COLGALT2: variants seen among roughly 807,000 people sequenced by gnomAD.
COLGALT2 encodes the protein collagen beta(1-O)galactosyltransferase 2.
In COLGALT2, 49 loss-of-function variants were observed where a neutral mutation model predicts 73.4. That is an observed-to-expected ratio of 0.67 (90% confidence interval 0.53 to 0.85). The LOEUF (loss-of-function observed/expected upper bound fraction) is 0.85. Among genes scored for constraint, COLGALT2 ranks in the 40% least tolerant of loss-of-function variants. The pLI, the probability that COLGALT2 is intolerant of heterozygous loss-of-function variation, is 0.00. For synonymous variants in COLGALT2, 295 were observed against 307.6 expected, an observed-to-expected ratio of 0.96 and a Z score of 0.43; for missense variants, 722 against 790.2, an observed-to-expected ratio of 0.91 and a Z score of 1.03.
Position 183,937,328 on chromosome 1 carries a change from T to A in COLGALT2, c.*1433A>T. On this transcript the variant is annotated 3_prime_UTR_variant, in exon 12 of 12. Coordinates refer to ENST00000361927, the MANE Select transcript of COLGALT2 (RefSeq NM_015101.4). ...TTTACAGATTGAGGGCATGAGAACA[T>A]AAACTTGAGGGAAACCACCATGATC... The A allele has an allele frequency of 9.5e-7, 1 of 1,052,014 alleles. No individual in the cohort carries two copies. Among genetic ancestry groups the A allele is most frequent in the South Asian group, 4.6e-5 (1 of 21,882 alleles). The allele number at this position is 1,052,014 out of a possible 1,614,324, so 65.2% of individuals were successfully genotyped here.
At chr1:184,025,385 C>A (rs767282182) in intron 1 of COLGALT2, among the ~76,000 whole-genome samples, 1 of 152,186 alleles carries the variant, frequency 6.6e-6, no homozygotes, top group Non-Finnish European at 1.5e-5. Flanking sequence ...AAATTCAATA[C>A]CCAGAGAGGA....
intron 1 of COLGALT2, among the ~76,000 whole-genome samples, chr1:184,024,224 C>A (rs1649260308): frequency 6.6e-6 from 1 of 151,968 alleles, no homozygotes; most frequent in Admixed American, 6.6e-5. Context: ...GCAAAGAATT[C>A]AAGAAAATTT....
intron 6 of COLGALT2, among the ~76,000 whole-genome samples, chr1:183,955,581 T>G (rs1670530463): frequency 6.6e-6 from 1 of 152,162 alleles, no homozygotes; most frequent in Non-Finnish European, 1.5e-5. Context: ...TTTGATACTC[T>G]AAAAAAGCTT....
intron 1 of COLGALT2, among the ~76,000 whole-genome samples, chr1:184,036,040 G>A (rs1011914256): frequency 1.3e-5 from 2 of 152,316 alleles, no homozygotes; most frequent in East Asian, 1.9e-4. Context: ...TGTCTCGCCT[G>A]AGAACAGCTC....
chr1:184,019,272 G>C (rs1649099915), intron 1 of COLGALT2, among the ~76,000 whole-genome samples: 1 of 152,126 alleles, frequency 6.6e-6, no homozygotes, highest in African/African-American at 2.4e-5. Context: ...GAAGAAACCA[G>C]GCTGAGCTGT....
intron 1 of COLGALT2, among the ~76,000 whole-genome samples, chr1:183,997,336 A>C (rs73050913): frequency 0.045 from 6,908 of 152,278 alleles, 441 homozygotes; most frequent in African/African-American, 0.14. Context: ...ACCCTTGTAC[A>C]TACCACCTAG....
At chr1:183,944,653 C>T (rs1429096738) in intron 9 of COLGALT2, among the ~76,000 whole-genome samples, 2 of 151,898 alleles carry the variant, frequency 1.3e-5, no homozygotes, top group Non-Finnish European at 2.9e-5. Flanking sequence ...TGGTGACTGC[C>T]CTTGGGGACT....
chr1:184,032,633 C>CT (rs1649551231), intron 1 of COLGALT2, among the ~76,000 whole-genome samples: 1 of 152,196 alleles, frequency 6.6e-6, no homozygotes, highest in Non-Finnish European at 1.5e-5. Context: ...AACAGACTAA[C>CT]AGACAGAAGG....
rs143156270 is a variant in COLGALT2, at chr1:183,969,421, G to A, written c.680C>T (p.Thr227Ile). 573 of 1,613,544 alleles carry A rather than the reference G, an allele frequency of 3.6e-4. No homozygotes were observed. Among genetic ancestry groups the A allele is most frequent in the Non-Finnish European group, 4.3e-4 (512 of 1,179,762 alleles). Residue 227 changes from threonine (T) to isoleucine (I), a missense_variant, in exon 5 of 12, where the codon ACA (threonine) becomes ATA (isoleucine). Physicochemically the swap from Thr to Ile is moderately conservative, Grantham distance 89 (BLOSUM62 -1). Transcript: ENST00000361927. ...GACCATGGGGACGGGGAAGCAGCCT[G>A]TCCTCTTCCATTCTCGAATCTGAAC... ...DYVQIREWKR[T>I]GCFPVPMVHS...
At chr1:183,962,920 G>A (rs1670754484) in intron 6 of COLGALT2, among the ~76,000 whole-genome samples, 1 of 152,162 alleles carries the variant, frequency 6.6e-6, no homozygotes, top group East Asian at 1.9e-4. Context: ...CTCTTGGCGG[G>A]GCTCCTGCCC....
At chr1:184,016,929 T>G (rs1224713710) in intron 1 of COLGALT2, among the ~76,000 whole-genome samples, 1 of 152,212 alleles carries the variant, frequency 6.6e-6, no homozygotes, top group African/African-American at 2.4e-5. Context: ...AAAAGCAATA[T>G]AATTTAGTCT....
intron 1 of COLGALT2, among the ~76,000 whole-genome samples, chr1:183,990,803 A>G (rs941383928): frequency 1.3e-5 from 2 of 152,232 alleles, no homozygotes; most frequent in Non-Finnish European, 2.9e-5. Context: ...GATGGCTGTA[A>G]GGTGTTAGGG....
intron 10 of COLGALT2, among the ~76,000 whole-genome samples, chr1:183,941,267 C>A (rs1670099738): frequency 6.6e-6 from 1 of 152,092 alleles, no homozygotes; most frequent in Non-Finnish European, 1.5e-5. Flanking sequence ...GGGAAAGAGT[C>A]AGTCTGCAGT....
intron 6 of COLGALT2, among the ~76,000 whole-genome samples, chr1:183,959,013 ATTTGTGTTCTC>A (rs1406352157): frequency 6.6e-6 from 1 of 152,000 alleles, no homozygotes; most frequent in Admixed American, 6.6e-5. Context: ...ACTTGAATGG[ATTTGTGTTCTC>A]ATCATTGCAC....
Position 183,944,313 on chromosome 1 carries a change from C to T in COLGALT2, c.1280G>A (p.Arg427Gln), listed in dbSNP as rs150656360. 1.1e-4 allele frequency: 179 copies of T among 1,612,056 alleles called. No individual in the cohort carries two copies. Among genetic ancestry groups the T allele is most frequent in the African/African-American group, 7.6e-4 (57 of 74,918 alleles). The change falls in exon 10 of 12, where the codon CGA (arginine) becomes CAA (glutamine). Residue 427 changes from arginine to glutamine, a missense_variant. Arg to Gln is a conservative substitution (Grantham distance 43, BLOSUM62 1). Transcript: ENST00000361927. Reference sequence around the variant, plus strand: ...AATTACAAGAGTCTTCTCTAGCTCTCGATCAATTACCTGCAAAAGTCATCA... The same window carrying T: ...AATTACAAGAGTCTTCTCTAGCTCTTGATCAATTACCTGCAAAAGTCATCA... ...HYSVWKEVID[R>Q]ELEKTLVIED...
Position 183,978,387 on chromosome 1 carries a change from C to T in COLGALT2, c.374+23G>A, listed in dbSNP as rs746205952. ...AGAGGAAGGGTAAATAATGAGTTTA[C>T]AAATTTCGCACTTGCTACTCACTCT... On this transcript the variant is annotated intron_variant, in intron 2 of 11. Coordinates refer to ENST00000361927, the MANE Select transcript of COLGALT2 (RefSeq NM_015101.4). The T allele has an allele frequency of 1.4e-5, 19 of 1,370,456 alleles. No individual in the cohort carries two copies. In the East Asian group the frequency reaches 3.9e-4, roughly 28 times the overall value. The allele number at this position is 1,370,456 out of a possible 1,614,324, so 84.9% of individuals were successfully genotyped here. A position where few individuals can be genotyped will look rare whatever the true frequency, so the allele number is the denominator to read the frequency against.
chr1:184,023,482 TTCTTC>T (rs1649235631), intron 1 of COLGALT2, among the ~76,000 whole-genome samples: 1 of 152,186 alleles, frequency 6.6e-6, no homozygotes. Flanking sequence ...AACTGGCAGG[TTCTTC>T]TAACCTCCAA....
intron 6 of COLGALT2, among the ~76,000 whole-genome samples, chr1:183,960,428 T>C (rs1670668449): frequency 6.6e-6 from 1 of 152,214 alleles, no homozygotes; most frequent in South Asian, 2.1e-4. Flanking sequence ...GCCATAGCAA[T>C]CTCTCTCTAT....
downstream of COLGALT2, among the ~76,000 whole-genome samples, chr1:183,930,834 T>C (rs1015035991): frequency 6.6e-6 from 1 of 152,116 alleles, no homozygotes; most frequent in African/African-American, 2.4e-5. Context: ...TAGTTGTAAG[T>C]CAGGTTAAAA....
Sources: allele counts gnomAD v4.1 joint callset (sites outside exome capture counted in the v4.1 genomes callset), GRCh38; gene constraint gnomAD v4.1.1; transcripts MANE v1.5; gene names NCBI Gene and HGNC (gene_info 2026-07-23, HGNC 2026-07-21).